The following PCSK5 variants were observed in gnomAD, a reference collection of about 807,000 sequenced individuals.
PCSK5 encodes proprotein convertase subtilisin/kexin type 5, also known as prohormone convertase 5.
In PCSK5, 129 loss-of-function variants were observed where a neutral mutation model predicts 233.2. The observed-to-expected ratio is 0.55, with a 90% CI of 0.48 to 0.64. The LOEUF (loss-of-function observed/expected upper bound fraction) is 0.64. Among genes scored for constraint, PCSK5 ranks in the 30% least tolerant of loss-of-function variants. PCSK5 has a pLI of 0.00. For missense variants in PCSK5, 2,076 were observed against 2,430.1 expected (o/e 0.85, Z 3.06); for synonymous variants, 825 against 879.2 (o/e 0.94, Z 1.09).
At chr9:76,176,741 G>C (rs1823633793) in intron 14 of PCSK5, among the ~76,000 whole-genome samples, 1 of 152,184 alleles carries the variant, frequency 6.6e-6, no homozygotes, top group Non-Finnish European at 1.5e-5. Flanking sequence ...GTATGCTGGT[G>C]TGTAGGAAAT....
At position 76,320,219 on chromosome 9, in the gene PCSK5, C is replaced by T. The variant is rs570296000; in HGVS notation, c.3885-1203C>T. 2.0e-5 allele frequency among the ~76,000 whole-genome samples: 3 copies of T among 151,918 alleles called. No individual in the cohort carries two copies. The South Asian group carries it at 6.2e-4, about 32-fold the overall frequency. The stretch of plus-strand genomic sequence containing the variant: ...TGCTAATAAGCACCGTAGGCTGGAC[C>T]CTACAGACCATCCTGGCTAACACGG... On this transcript the variant is annotated intron_variant, in intron 30 of 37. Transcript: ENST00000674117.
chr9:76,284,535 CTTTT>C (rs759060126), intron 24 of PCSK5, among the ~76,000 whole-genome samples: 1 of 104,356 alleles, frequency 9.6e-6, no homozygotes, highest in Admixed American at 1.1e-4. Context: ...TTTTTTTTGT[CTTTT>C]TTTTTTTTTT....
chr9:76,158,212 A>G (rs184191673), intron 11 of PCSK5, among the ~76,000 whole-genome samples: 1 of 152,236 alleles, frequency 6.6e-6, no homozygotes, highest in Non-Finnish European at 1.5e-5. Flanking sequence ...AATTTAAAAA[A>G]TGTGAAAAAT....
At chr9:76,086,435 G>A (rs73456405) in intron 7 of PCSK5, among the ~76,000 whole-genome samples, 4,243 of 152,262 alleles carry the variant, frequency 0.028, 143 homozygotes, top group African/African-American at 0.076. Context: ...GATGTAGGAA[G>A]GAGTGACCGG....
chr9:76,094,282 A>G (rs1831417411), intron 7 of PCSK5, among the ~76,000 whole-genome samples: 1 of 149,064 alleles, frequency 6.7e-6, no homozygotes, highest in Non-Finnish European at 1.5e-5. Flanking sequence ...CTAAGACAGC[A>G]TCCCCCAAAT....
intron 25 of PCSK5, 71 bp from the exon 26 acceptor site, chr9:76,295,204 G>A (rs1459646878): frequency 1.5e-6 from 2 of 1,353,606 alleles, no homozygotes; most frequent in Non-Finnish European, 2.1e-6. Context: ...ACATACATAA[G>A]GAGATTAAAT....
At chr9:76,022,875 C>A (rs556615175) in intron 3 of PCSK5, among the ~76,000 whole-genome samples, 10 of 152,240 alleles carry the variant, frequency 6.6e-5, no homozygotes, top group Admixed American at 4.6e-4. Context: ...AATTTGTCTA[C>A]TGGCTACAAA....
intron 3 of PCSK5, among the ~76,000 whole-genome samples, chr9:76,017,513 G>T (rs925650215): frequency 1.3e-5 from 2 of 152,142 alleles, no homozygotes; most frequent in African/African-American, 4.8e-5. Context: ...TACAGATGAG[G>T]TTTTAAGAAT....
Position 76,240,616 on chromosome 9 carries a change from G to C in PCSK5, c.3074G>C (p.Gly1025Ala). 1 of 1,568,690 alleles carries C rather than the reference G, an allele frequency of 6.4e-7. No individual in the cohort carries two copies. The change falls in exon 24 of 38, where the codon GGT (glycine) becomes GCT (alanine). Residue 1025 changes from glycine (G) to alanine (A), a missense_variant and splice_region_variant. Coordinates refer to ENST00000674117, the MANE Select transcript of PCSK5 (RefSeq NM_001372043.1). ...GTTTTTCACTTCTCTGTCTGTGTAGGTGAAGTCCAAGACCCAGACTATGAA... is the reference window on the plus strand; with the variant it reads ...GTTTTTCACTTCTCTGTCTGTGTAGCTGAAGTCCAAGACCCAGACTATGAA... ...HTCQKLECGQGEVQDPDYEEC... is the reference protein window; with the variant it reads ...HTCQKLECGQAEVQDPDYEEC...
intron 9 of PCSK5, among the ~76,000 whole-genome samples, chr9:76,112,169 T>C (rs1003513880): frequency 1.6e-4 from 24 of 152,182 alleles, no homozygotes; most frequent in African/African-American, 5.5e-4. Flanking sequence ...AATTGAAGAA[T>C]ATATGTTCAG....
Position 76,188,428 on chromosome 9 carries a change from G to T in PCSK5, c.2283-150G>T, listed in dbSNP as rs1020171292. 6.8e-6 allele frequency: 4 copies of T among 587,164 alleles called. No individual in the cohort carries two copies. In the African/African-American group the frequency reaches 7.6e-5, roughly 11 times the overall value. 36.4% of individuals were successfully genotyped at this position (587,164 alleles called of 1,614,324 possible). On this transcript the variant is annotated intron_variant, in intron 17 of 37. Transcript: ENST00000674117. ...AAGCATTGAGAGGAGAAAAAAAAGG[G>T]TACACGGGCTATTTCCCCGGCTTTG...
At chr9:76,016,802 TAACTA>T (rs1827966290) in intron 3 of PCSK5, among the ~76,000 whole-genome samples, 1 of 152,194 alleles carries the variant, frequency 6.6e-6, no homozygotes, top group Non-Finnish European at 1.5e-5. Flanking sequence ...ACCATCCACT[TAACTA>T]AACCTAAAGA....
At chr9:76,357,535 A>G (rs1830331990) in intron 37 of PCSK5, among the ~76,000 whole-genome samples, 2 of 152,120 alleles carry the variant, frequency 1.3e-5, no homozygotes, top group African/African-American at 4.8e-5. Context: ...AAAAACTCTT[A>G]ATAATGATAG....
chr9:76,064,363 AC>A (rs1161111793), intron 5 of PCSK5, among the ~76,000 whole-genome samples: 8 of 77,476 alleles, frequency 1.0e-4, no homozygotes, highest in African/African-American at 2.2e-4. Flanking sequence ...CGGGGGGCTG[AC>A]CCCCCCACCT....
At chr9:75,954,296 A>T (rs1283008198) in intron 2 of PCSK5, among the ~76,000 whole-genome samples, 7 of 152,186 alleles carry the variant, frequency 4.6e-5, no homozygotes, top group Admixed American at 6.5e-5. Flanking sequence ...TTAACACTCA[A>T]ATCACATCAA....
At position 76,358,676 on chromosome 9, in the gene PCSK5, T is replaced by C. The variant is rs542506869; in HGVS notation, c.5418T>C (p.Tyr1806=). ...TCCAGCCAGCAGCAAAGGCCGGCTATGAAAAACTGGCCGACCCCAACAAGT... is the reference window on the plus strand; with the variant it reads ...TCCAGCCAGCAGCAAAGGCCGGCTACGAAAAACTGGCCGACCCCAACAAGT... ...GRVQPAAKAG[Y]EKLADPNKSY... The change falls in exon 38 of 38, where the codon TAT becomes TAC. Residue 1806 remains tyrosine, a synonymous_variant. Coordinates refer to ENST00000674117, the MANE Select transcript of PCSK5 (RefSeq NM_001372043.1). 7 of 1,612,778 alleles carry C rather than the reference T, an allele frequency of 4.3e-6. No individual in the cohort carries two copies. The Admixed American group carries it at 8.3e-5, about 19-fold the overall frequency.
intron 24 of PCSK5, among the ~76,000 whole-genome samples, chr9:76,289,013 C>T (rs952089618): frequency 6.6e-6 from 1 of 152,092 alleles, no homozygotes; most frequent in Non-Finnish European, 1.5e-5. Flanking sequence ...GCAATGTCTC[C>T]ATGGGACAGT....
rs563456676 is a variant in PCSK5, at chr9:76,361,928, A to C, written c.*3006A>C. On this transcript the variant is annotated 3_prime_UTR_variant, in exon 38 of 38. Coordinates refer to ENST00000674117, the MANE Select transcript of PCSK5 (RefSeq NM_001372043.1). ...AAAGCTCTGATAGACTGAGTTTGAC[A>C]TTTCTTTCTGTAAACTGGAAATTGT... The C allele has an allele frequency of 3.5e-4, 54 of 152,262 alleles. No individual in the cohort carries two copies. The highest frequency in any genetic ancestry group is 1.2e-3 in the African/African-American group (51 of 41,546). 9.4% of individuals were successfully genotyped at this position (152,262 alleles called of 1,614,324 possible).
chr9:76,132,272 C>T (rs1250650051), intron 9 of PCSK5, among the ~76,000 whole-genome samples: 2 of 152,178 alleles, frequency 1.3e-5, no homozygotes, highest in African/African-American at 4.8e-5. Flanking sequence ...ACATCCTGCT[C>T]CTGGATTCCA....
Sources: allele counts gnomAD v4.1 joint callset (sites outside exome capture counted in the v4.1 genomes callset), GRCh38; gene constraint gnomAD v4.1.1; transcripts MANE v1.5; gene names NCBI Gene and HGNC (gene_info 2026-07-23, HGNC 2026-07-21).